The following EPC2 variants were observed in gnomAD, a reference collection of about 807,000 sequenced individuals.
EPC2 encodes the protein enhancer of polycomb homolog 2.
In EPC2, 14 loss-of-function variants were observed where a neutral mutation model predicts 92.1. That is an observed-to-expected ratio of 0.15 (90% CI 0.10 to 0.24). The LOEUF is 0.24. Ranked by LOEUF, EPC2 falls within the 10% of genes least tolerant of loss-of-function variation. The pLI is 1.00. For synonymous variants in EPC2, 340 were observed against 334.7 expected, an observed-to-expected ratio of 1.02 and a Z score of -0.17; for missense variants, 755 against 971.5, an observed-to-expected ratio of 0.78 and a Z score of 2.96.
At chr2:148,674,976 A>G (rs1681233678) in intron 1 of EPC2, among the ~76,000 whole-genome samples, 1 of 152,182 alleles carries the variant, frequency 6.6e-6, no homozygotes, top group East Asian at 1.9e-4. Flanking sequence ...AGTTTTAAAT[A>G]TTAGTTCTGT....
chr2:148,651,403 C>T (rs1680680609), intron 1 of EPC2, among the ~76,000 whole-genome samples: 1 of 152,142 alleles, frequency 6.6e-6, no homozygotes, highest in Non-Finnish European at 1.5e-5. Flanking sequence ...TTCATTTTAT[C>T]CCTGTTACAT....
At position 148,743,609 on chromosome 2, in the gene EPC2, C is replaced by G; in HGVS notation, c.314-13C>G. On this transcript the variant is annotated splice_polypyrimidine_tract_variant and intron_variant, in intron 2 of 13. Coordinates refer to ENST00000258484, the MANE Select transcript of EPC2 (RefSeq NM_015630.4). ...TTTCTCCTGAGTTTGAAGAATTTTTCTTTCTTTTCTAGCTTTTAATCTAGA... is the reference window on the plus strand; with the variant it reads ...TTTCTCCTGAGTTTGAAGAATTTTTGTTTCTTTTCTAGCTTTTAATCTAGA... 6.6e-7 allele frequency: 1 copy of G among 1,520,458 alleles called. No individual in the cohort carries two copies. Among genetic ancestry groups the G allele is most frequent in the Non-Finnish European group, 8.8e-7 (1 of 1,140,266 alleles). The allele number at this position is 1,520,458 out of a possible 1,614,324, so 94.2% of individuals were successfully genotyped here.
intron 1 of EPC2, among the ~76,000 whole-genome samples, chr2:148,670,658 TA>T (rs1188279018): frequency 6.6e-6 from 1 of 152,098 alleles, no homozygotes; most frequent in Non-Finnish European, 1.5e-5. Flanking sequence ...CTACAAACAG[TA>T]TGCTTAGAAA....
intron 11 of EPC2, 107 bp from the exon 12 acceptor site, chr2:148,783,490 T>G: frequency 9.8e-7 from 1 of 1,022,802 alleles, no homozygotes. Context: ...ACACTTGTAA[T>G]TGTTCAAGGT....
chr2:148,773,217 A>G (rs910567658), intron 10 of EPC2, among the ~76,000 whole-genome samples: 44 of 152,118 alleles, frequency 2.9e-4, no homozygotes, highest in African/African-American at 9.4e-4. Context: ...AATCACCTCT[A>G]TAATCCTATG....
At chr2:148,646,890 T>A (rs1683813710) in intron 1 of EPC2, among the ~76,000 whole-genome samples, 2 of 152,088 alleles carry the variant, frequency 1.3e-5, no homozygotes, top group South Asian at 4.2e-4. Context: ...GGTGGGCGGA[T>A]CATGAGGTCA....
chr2:148,747,573 T>C lies in EPC2; in HGVS notation c.459+3806T>C, dbSNP rs61389444. On this transcript the variant is annotated intron_variant, in intron 3 of 13. Coordinates refer to ENST00000258484, the MANE Select transcript of EPC2 (RefSeq NM_015630.4). ...GTTTGGCTATACTTGGTGCTTCTTATGTTTACCTTTTACCCACATCACAAT... is the reference window on the plus strand; with the variant it reads ...GTTTGGCTATACTTGGTGCTTCTTACGTTTACCTTTTACCCACATCACAAT... Among the ~76,000 whole-genome samples the C allele has an allele frequency of 1.0e-2, 1,521 of 152,188 alleles. 24 individuals carry two copies. The highest frequency in any genetic ancestry group is 0.034 in the African/African-American group (1,426 of 41,530).
intron 10 of EPC2, among the ~76,000 whole-genome samples, chr2:148,776,901 C>T (rs1306263640): frequency 7.3e-6 from 1 of 137,334 alleles, no homozygotes; most frequent in Non-Finnish European, 1.5e-5. Context: ...TGTTCTCTCG[C>T]CCACACTGGA....
intron 3 of EPC2, 112 bp downstream of exon 3, chr2:148,743,879 C>A: frequency 1.2e-6 from 1 of 809,430 alleles, no homozygotes; most frequent in Non-Finnish European, 1.8e-6. Flanking sequence ...TCCTGACATC[C>A]TGGAATTTCT....
chr2:148,741,984 A>G (rs558908628), intron 2 of EPC2, among the ~76,000 whole-genome samples: 4 of 152,316 alleles, frequency 2.6e-5, no homozygotes, highest in South Asian at 4.1e-4. Context: ...AGTGCGCTAT[A>G]TATACTATTC....
intron 2 of EPC2, among the ~76,000 whole-genome samples, chr2:148,729,031 CAAAAAAAAAAAA>C (rs376309552): frequency 1.6e-4 from 10 of 63,648 alleles, no homozygotes; most frequent in African/African-American, 4.4e-4. Context: ...AACTCCATCT[CAAAAAAAAAAAA>C]AAAAAAAAAA....
chr2:148,708,769 A>G (rs1325228243), intron 2 of EPC2, among the ~76,000 whole-genome samples: 1 of 152,254 alleles, frequency 6.6e-6, no homozygotes, highest in South Asian at 2.1e-4. Flanking sequence ...GTAGATGCAG[A>G]AAAGGCCTTT....
chr2:148,648,665 A>C (rs1184733485), intron 1 of EPC2, among the ~76,000 whole-genome samples: 1 of 151,970 alleles, frequency 6.6e-6, no homozygotes, highest in Non-Finnish European at 1.5e-5. Context: ...CCACCCTTAA[A>C]ATTAAGGCCT....
chr2:148,764,859 A>C, intron 6 of EPC2, 96 bp from the exon 7 acceptor site: 1 of 941,884 alleles, frequency 1.1e-6, no homozygotes, highest in African/African-American at 1.7e-5. Context: ...CCTCCTGGGT[A>C]AAAATGTATG....
intron 1 of EPC2, among the ~76,000 whole-genome samples, chr2:148,657,066 A>G (rs539115872): frequency 1.3e-5 from 2 of 152,120 alleles, no homozygotes; most frequent in African/African-American, 4.8e-5. Flanking sequence ...AGTTATTAAG[A>G]GAGTTGAAAC....
intron 2 of EPC2, among the ~76,000 whole-genome samples, chr2:148,703,505 T>C (rs183509411): frequency 6.6e-6 from 1 of 152,104 alleles, no homozygotes; most frequent in Non-Finnish European, 1.5e-5. Context: ...GAGTGAGGCC[T>C]GAAAAATGAG....
At chr2:148,735,755 C>T (rs1682739570) in intron 2 of EPC2, among the ~76,000 whole-genome samples, 1 of 151,798 alleles carries the variant, frequency 6.6e-6, no homozygotes, top group Non-Finnish European at 1.5e-5. Context: ...AATATCATAT[C>T]ACTCCTTAAA....
intron 1 of EPC2, among the ~76,000 whole-genome samples, chr2:148,689,425 A>G (rs1435859634): frequency 6.6e-6 from 1 of 152,096 alleles, no homozygotes; most frequent in Non-Finnish European, 1.5e-5. Flanking sequence ...TGATCCGCCC[A>G]TCTTGGCCTC....
intron 2 of EPC2, among the ~76,000 whole-genome samples, chr2:148,743,001 A>G (rs1430480361): frequency 6.6e-6 from 1 of 152,120 alleles, no homozygotes; most frequent in Admixed American, 6.6e-5. Context: ...TTATATAGTC[A>G]AATCAATCTA....
Sources: gnomAD v4.1 joint callset for allele counts (sites outside exome capture counted in the v4.1 genomes callset) on GRCh38, gnomAD v4.1.1 for gene constraint, MANE v1.5 for transcripts, NCBI Gene and HGNC (gene_info 2026-07-23, HGNC 2026-07-21) for gene names.